Variants in ADGB observed in about 807,000 individuals in gnomAD.
ADGB encodes the protein calpain-7-like protein.
A neutral mutation model predicts 210.5 loss-of-function variants in ADGB; 172 were observed. That is an observed-to-expected ratio of 0.82 (90% CI 0.72 to 0.93). The LOEUF (loss-of-function observed/expected upper bound fraction) is 0.93, where lower values mean the gene tolerates loss of function less well. Ranked by LOEUF, ADGB falls within the 40% of genes least tolerant of loss-of-function variation. The pLI, the probability that ADGB is intolerant of heterozygous loss-of-function variation, is 0.00. For missense variants in ADGB, 2,025 were observed against 1,964.8 expected (o/e 1.03, Z -0.58); for synonymous variants, 658 against 662.7 (o/e 0.99, Z 0.11).
At chr6:146,628,152 A>G (rs1388177406) in intron 1 of ADGB, among the ~76,000 whole-genome samples, 1 of 151,790 alleles carries the variant, frequency 6.6e-6, no homozygotes, top group African/African-American at 2.4e-5. Flanking sequence ...CACAAATAAT[A>G]TATCACAGGT....
chr6:146,776,981 G>A (rs1052825409), intron 29 of ADGB, among the ~76,000 whole-genome samples: 1 of 151,878 alleles, frequency 6.6e-6, no homozygotes, highest in African/African-American at 2.4e-5. Context: ...CCCACAGCAA[G>A]ACTTCTGAGC....
At chr6:146,814,981 A>G (rs760161242) in intron 35 of ADGB, 51 bp from the exon 36 acceptor site, 35 of 1,485,768 alleles carry the variant, frequency 2.4e-5, no homozygotes, top group African/African-American at 1.2e-4. Flanking sequence ...TTCTGGGAAC[A>G]TAAGCCTTTA....
intron 20 of ADGB, among the ~76,000 whole-genome samples, chr6:146,730,628 C>T (rs184481221): frequency 2.6e-5 from 4 of 152,344 alleles, no homozygotes; most frequent in African/African-American, 7.2e-5. Context: ...CTTGGAAATA[C>T]TGGTGCTATC....
intron 1 of ADGB, among the ~76,000 whole-genome samples, chr6:146,624,585 A>T (rs1467707009): frequency 6.6e-6 from 1 of 151,890 alleles, no homozygotes; most frequent in Admixed American, 6.6e-5. Context: ...AAATGTTTCT[A>T]TGTTTTCTAG....
chr6:146,681,267 A>G (rs1209331873), intron 9 of ADGB, among the ~76,000 whole-genome samples: 1 of 151,848 alleles, frequency 6.6e-6, no homozygotes, highest in African/African-American at 2.4e-5. Context: ...ACTGTGTAAC[A>G]TCTCTCCCTA....
At chr6:146,786,785 T>C (rs1562300836) in intron 32 of ADGB, among the ~76,000 whole-genome samples, 1 of 152,332 alleles carries the variant, frequency 6.6e-6, no homozygotes, top group East Asian at 1.9e-4. Flanking sequence ...TCAGTTCTTG[T>C]CTTTTAGGCT....
chr6:146,624,386 T>TA lies in ADGB; in HGVS notation c.75-10988dup, dbSNP rs1780942837. ...GATAAAGAATGACTTGTAATTTTTT[T>TA]ATCCCTTTGATATCTGTGGGATCTG... On this transcript the variant is annotated intron_variant, in intron 1 of 35. Transcript: ENST00000397944. Among the ~76,000 whole-genome samples, 3 of 151,890 alleles carry TA rather than the reference T, an allele frequency of 2.0e-5. No individual in the cohort carries two copies. The South Asian group carries it at 6.2e-4, about 31-fold the overall frequency.
chr6:146,801,135 T>A, intron 33 of ADGB, 48 bp from the exon 34 acceptor site: 1 of 1,081,546 alleles, frequency 9.2e-7, no homozygotes, highest in Non-Finnish European at 1.3e-6. Context: ...TAGTCATTAT[T>A]ATTTTTTAAA....
intron 29 of ADGB, among the ~76,000 whole-genome samples, chr6:146,775,719 T>C (rs1215682981): frequency 2.0e-5 from 3 of 152,216 alleles, no homozygotes; most frequent in African/African-American, 7.2e-5. Flanking sequence ...TTAACTCTAA[T>C]TAATATTATA....
rs978980107 is a variant in ADGB at position 146,720,261 on chromosome 6, C to A, written c.1993-1142C>A. On this transcript the variant is annotated intron_variant, in intron 16 of 35. Coordinates refer to ENST00000397944, the MANE Select transcript of ADGB (RefSeq NM_024694.4). ...GGCTCTACCTACTTTTTTCTCTCAT[C>A]TTTGCTACTACAAACTCTGTGACCT... Among the ~76,000 whole-genome samples, 5 of 152,122 alleles carry A rather than the reference C, an allele frequency of 3.3e-5. 1 individual carries two copies. The highest frequency in any genetic ancestry group is 5.9e-5 in the Non-Finnish European group (4 of 68,030).
chr6:146,670,006 C>T (rs192615645), intron 7 of ADGB, among the ~76,000 whole-genome samples: 167 of 152,132 alleles, frequency 1.1e-3, no homozygotes, highest in African/African-American at 3.8e-3. Flanking sequence ...TGCTCATTTT[C>T]CTTGCCTCTC....
At chr6:146,712,351 A>AT (rs111245431) in intron 13 of ADGB, among the ~76,000 whole-genome samples, 45,008 of 151,390 alleles carry the variant, frequency 0.3, 9,248 homozygotes, top group African/African-American at 0.59. Flanking sequence ...CACCAGGCTA[A>AT]TTTTTTTGTA....
chr6:146,634,760 C>T (rs1775379314), intron 1 of ADGB, among the ~76,000 whole-genome samples: 1 of 151,896 alleles, frequency 6.6e-6, no homozygotes, highest in Non-Finnish European at 1.5e-5. Flanking sequence ...GCAATAAGAA[C>T]AACCACCATA....
chr6:146,757,995 T>C (rs533326396), intron 27 of ADGB, among the ~76,000 whole-genome samples: 5 of 152,196 alleles, frequency 3.3e-5, no homozygotes, highest in East Asian at 1.9e-4. Flanking sequence ...GGGATATGCA[T>C]GTACTATATT....
intron 26 of ADGB, among the ~76,000 whole-genome samples, chr6:146,750,954 A>G (rs1009607641): frequency 6.6e-6 from 1 of 152,114 alleles, no homozygotes; most frequent in Non-Finnish European, 1.5e-5. Flanking sequence ...TTTTAGGGCT[A>G]TCAAGTTTTA....
intron 7 of ADGB, among the ~76,000 whole-genome samples, chr6:146,667,824 G>C (rs1356045571): frequency 6.6e-6 from 1 of 151,904 alleles, no homozygotes; most frequent in African/African-American, 2.4e-5. Context: ...AAAAATCACA[G>C]TCCTGAAAGG....
rs189735483 is a variant in ADGB, at chr6:146,813,336, G to T, written c.4819-1696G>T. 2.6e-4 allele frequency among the ~76,000 whole-genome samples: 40 copies of T among 152,246 alleles called. 1 individual carries two copies. The East Asian group carries it at 5.4e-3, about 21-fold the overall frequency. ...CTTAGAGTTTCAAGTGGAATTTCAT[G>T]GATATTAGGGTCCGTTGGTGGTTTA... On this transcript the variant is annotated intron_variant, in intron 35 of 35. Transcript: ENST00000397944.
intron 11 of ADGB, among the ~76,000 whole-genome samples, chr6:146,692,543 A>G (rs1427612285): frequency 3.3e-5 from 5 of 152,318 alleles, no homozygotes; most frequent in Admixed American, 6.5e-5. Flanking sequence ...AGCAGCAAAT[A>G]CCAAGTAATA....
intron 35 of ADGB, among the ~76,000 whole-genome samples, chr6:146,808,763 G>C (rs1345554815): frequency 6.6e-6 from 1 of 152,152 alleles, no homozygotes; most frequent in Admixed American, 6.5e-5. Context: ...CACAATCTCA[G>C]CTCACTGCAA....
Sources: gnomAD v4.1 joint callset for allele counts (sites outside exome capture counted in the v4.1 genomes callset) on GRCh38, gnomAD v4.1.1 for gene constraint, MANE v1.5 for transcripts, NCBI Gene and HGNC (gene_info 2026-07-23, HGNC 2026-07-21) for gene names.